The following CRTAC1 variants were observed in gnomAD, a reference collection of about 807,000 sequenced individuals.
CRTAC1 encodes the protein acidic secreted protein in cartilage.
Under a neutral mutation model 67.8 loss-of-function variants are expected in CRTAC1, and 37 were observed. That is an observed-to-expected ratio of 0.55 (90% CI 0.42 to 0.72). CRTAC1 has a LOEUF of 0.72. Among genes scored for constraint, CRTAC1 ranks in the 30% least tolerant of loss-of-function variants. The pLI, the probability that CRTAC1 is intolerant of heterozygous loss-of-function variation, is 0.00. For synonymous variants in CRTAC1, 348 were observed against 371.0 expected, an observed-to-expected ratio of 0.94 and a Z score of 0.71; for missense variants, 780 against 931.6, an observed-to-expected ratio of 0.84 and a Z score of 2.12.
intron 1 of CRTAC1, among the ~76,000 whole-genome samples, chr10:98,026,608 C>G (rs1035483078): frequency 6.6e-6 from 1 of 152,018 alleles, no homozygotes; most frequent in Non-Finnish European, 1.5e-5. Flanking sequence ...TTTTCCTCTC[C>G]GGTGGTCCAC....
At chr10:98,011,860 T>C (rs1404923343) in intron 1 of CRTAC1, among the ~76,000 whole-genome samples, 3 of 152,186 alleles carry the variant, frequency 2.0e-5, no homozygotes, top group Non-Finnish European at 4.4e-5. Context: ...GGAGAAAGAC[T>C]GGGCGAATGA....
chr10:97,954,271 C>T (rs1017550081), intron 2 of CRTAC1, among the ~76,000 whole-genome samples: 13 of 152,112 alleles, frequency 8.5e-5, no homozygotes, highest in African/African-American at 3.1e-4. Context: ...TGAGAGGACC[C>T]CCCAGGACTG....
chr10:97,982,433 T>A (rs573344795), intron 2 of CRTAC1, among the ~76,000 whole-genome samples: 13 of 152,344 alleles, frequency 8.5e-5, no homozygotes, highest in Admixed American at 2.6e-4. Context: ...CTCTGCTGAC[T>A]CTGAGGGAGA....
chr10:97,879,865 T>TGGGGGCGGGGGG, intron 14 of CRTAC1: 3 of 226,630 alleles, frequency 1.3e-5, no homozygotes, highest in East Asian at 2.0e-4. Context: ...GGGGACGGGG[T>TGGGGGCGGGGGG]GGGGGTGGAG....
intron 3 of CRTAC1, among the ~76,000 whole-genome samples, chr10:97,932,727 G>C (rs897799087): frequency 1.1e-4 from 17 of 152,264 alleles, no homozygotes; most frequent in Admixed American, 1.1e-3. Context: ...AAGGCAACCC[G>C]GGTCACATAG....
chr10:97,947,116 T>C (rs1395074788), intron 2 of CRTAC1, among the ~76,000 whole-genome samples: 1 of 152,234 alleles, frequency 6.6e-6, no homozygotes, highest in East Asian at 1.9e-4. Context: ...AGGGACAGAA[T>C]AGTTGGGGCA....
intron 1 of CRTAC1, among the ~76,000 whole-genome samples, chr10:98,024,192 A>G (rs1417368598): frequency 6.6e-6 from 1 of 152,242 alleles, no homozygotes; most frequent in African/African-American, 2.4e-5. Flanking sequence ...CCCAGGGCTC[A>G]GCAGTGATTC....
chr10:97,985,442 G>C (rs1191835779), intron 2 of CRTAC1, among the ~76,000 whole-genome samples: 1 of 152,102 alleles, frequency 6.6e-6, no homozygotes, highest in East Asian at 1.9e-4. Flanking sequence ...ACTAGACCCT[G>C]CTCCTTTCCC....
intron 3 of CRTAC1, among the ~76,000 whole-genome samples, chr10:97,925,781 C>T (rs761936555): frequency 1.2e-4 from 18 of 151,922 alleles, no homozygotes; most frequent in Admixed American, 5.9e-4. Context: ...GTAGAGTGCG[C>T]GAGAACAGTC....
intron 1 of CRTAC1, 122 bp from the exon 2 acceptor site, chr10:98,011,459 C>T (rs1366998148): frequency 3.9e-5 from 45 of 1,144,260 alleles, no homozygotes; most frequent in Non-Finnish European, 5.4e-5. Flanking sequence ...TTGACAGTGC[C>T]TAGGCTGCTG....
intron 2 of CRTAC1, among the ~76,000 whole-genome samples, chr10:97,956,099 T>C (rs556870495): frequency 6.6e-6 from 1 of 152,270 alleles, no homozygotes; most frequent in East Asian, 1.9e-4. Flanking sequence ...GCTTCCAGAT[T>C]GGATGAAACA....
At chr10:97,993,512 G>T (rs928097692) in intron 2 of CRTAC1, among the ~76,000 whole-genome samples, 1 of 152,192 alleles carries the variant, frequency 6.6e-6, no homozygotes, top group Non-Finnish European at 1.5e-5. Flanking sequence ...GCTTGAAGGA[G>T]GGGATCATAT....
intron 2 of CRTAC1, among the ~76,000 whole-genome samples, chr10:97,958,056 C>T (rs1187248025): frequency 6.6e-6 from 1 of 152,160 alleles, no homozygotes; most frequent in Non-Finnish European, 1.5e-5. Context: ...ATCTCGTTTG[C>T]TGGCTCTAGG....
chr10:97,879,150 G>A (rs536591136), intron 14 of CRTAC1, among the ~76,000 whole-genome samples: 1 of 152,236 alleles, frequency 6.6e-6, no homozygotes, highest in South Asian at 2.1e-4. Flanking sequence ...AGGCTGGAAG[G>A]CTTAGCAAGT....
At position 97,911,205 on chromosome 10, in the gene CRTAC1, G is replaced by A. The variant is rs1418536833; in HGVS notation, c.716-3058C>T. ...GTGGGACTCAGGCACTTGCCTCCAC[G>A]CAGCTCCATCCTTCTTCCTCCGCTT... On this transcript the variant is annotated intron_variant, in intron 5 of 14. Coordinates refer to ENST00000370597, the MANE Select transcript of CRTAC1 (RefSeq NM_018058.7). Among the ~76,000 whole-genome samples, 5 of 152,200 alleles carry A rather than the reference G, an allele frequency of 3.3e-5. No individual in the cohort carries two copies. In the East Asian group the frequency reaches 5.8e-4, roughly 18 times the overall value.
intron 1 of CRTAC1, among the ~76,000 whole-genome samples, chr10:98,015,736 G>A (rs1167905654): frequency 6.6e-6 from 1 of 152,186 alleles, no homozygotes; most frequent in Non-Finnish European, 1.5e-5. Flanking sequence ...ATGTGTGTAT[G>A]AATCACCTGG....
At chr10:97,948,213 C>T (rs2051295287) in intron 2 of CRTAC1, among the ~76,000 whole-genome samples, 1 of 151,656 alleles carries the variant, frequency 6.6e-6, no homozygotes, top group Non-Finnish European at 1.5e-5. Flanking sequence ...GCACAGAAAT[C>T]AGGAAGGCAA....
chr10:98,018,858 A>G (rs1405418789), intron 1 of CRTAC1, among the ~76,000 whole-genome samples: 1 of 152,134 alleles, frequency 6.6e-6, no homozygotes, highest in Non-Finnish European at 1.5e-5. Context: ...CCACAAAGAC[A>G]CCCACAAAAG....
chr10:97,951,357 G>A (rs977897675), intron 2 of CRTAC1, among the ~76,000 whole-genome samples: 3 of 152,214 alleles, frequency 2.0e-5, no homozygotes, highest in African/African-American at 7.2e-5. Flanking sequence ...TAACTGATGA[G>A]TTAAACTCTT....
Sources: gnomAD v4.1 joint callset for allele counts (sites outside exome capture counted in the v4.1 genomes callset) on GRCh38, gnomAD v4.1.1 for gene constraint, MANE v1.5 for transcripts, NCBI Gene and HGNC (gene_info 2026-07-23, HGNC 2026-07-21) for gene names.